Variants in PRPS2 observed in about 807,000 individuals in gnomAD.
PRPS2 encodes phosphoribosyl pyrophosphate synthetase 2.
For missense variants in PRPS2, 104 were observed against 271.5 expected, an observed-to-expected ratio of 0.38 and a Z score of 4.34; for synonymous variants, 111 against 115.3, an observed-to-expected ratio of 0.96 and a Z score of 0.24.
chrX:12,794,299 A>T (rs1247701755), intron 1 of PRPS2, among the ~76,000 whole-genome samples: 1 of 111,688 alleles, frequency 9.0e-6, no homozygotes, highest in Non-Finnish European at 1.9e-5. Context: ...TAGGAACCTC[A>T]GCTCCTCTTC....
intron 4 of PRPS2, chrX:12,810,404 T>A (rs993722997): frequency 3.3e-6 from 1 of 304,774 alleles, no homozygotes; most frequent in African/African-American, 2.7e-5. Context: ...CAGCAAAGGG[T>A]AGATGTGTTT....
intron 1 of PRPS2, among the ~76,000 whole-genome samples, chrX:12,796,944 C>T (rs2042547570): frequency 1.0e-5 from 1 of 98,296 alleles, no homozygotes; most frequent in Non-Finnish European, 2.0e-5. Flanking sequence ...ATCCAAAATC[C>T]ACAATGCTCC....
Sources: allele counts gnomAD v4.1 joint callset (sites outside exome capture counted in the v4.1 genomes callset), GRCh38; gene constraint gnomAD v4.1.1; transcripts MANE v1.5; gene names NCBI Gene and HGNC (gene_info 2026-07-23, HGNC 2026-07-21).